The following DSCAML1 variants were observed in gnomAD, a reference collection of about 807,000 sequenced individuals.
DSCAML1 encodes the protein cell adhesion molecule DSCAML1.
Under a neutral mutation model 200.5 loss-of-function variants are expected in DSCAML1, and 38 were observed. The ratio of observed to expected loss-of-function variants is 0.19; its 90% CI spans 0.15 to 0.25. The LOEUF is 0.25. Among genes scored for constraint, DSCAML1 ranks in the 10% least tolerant of loss-of-function variants. The pLI is 1.00. For missense variants in DSCAML1, 2,223 were observed against 2,858.8 expected (o/e 0.78, Z 5.07); for synonymous variants, 1,215 against 1,165.0 (o/e 1.04, Z -0.87).
intron 3 of DSCAML1, among the ~76,000 whole-genome samples, chr11:117,741,226 G>T (rs1055490684): frequency 6.6e-6 from 1 of 152,202 alleles, no homozygotes; most frequent in Non-Finnish European, 1.5e-5. Context: ...TCTAGGTGGG[G>T]CACCTACTGA....
intron 14 of DSCAML1, among the ~76,000 whole-genome samples, chr11:117,474,159 A>C (rs1470963906): frequency 1.3e-5 from 2 of 152,148 alleles, no homozygotes; most frequent in Non-Finnish European, 2.9e-5. Flanking sequence ...TACTCCTCAC[A>C]TCCTCCTGCG....
chr11:117,740,313 C>G (rs2054398536), intron 3 of DSCAML1, among the ~76,000 whole-genome samples: 1 of 152,150 alleles, frequency 6.6e-6, no homozygotes, highest in African/African-American at 2.4e-5. Flanking sequence ...TAATTTGGAC[C>G]TTGGTCTGAC....
chr11:117,737,917 C>T (rs1004049073), intron 3 of DSCAML1, among the ~76,000 whole-genome samples: 2 of 152,052 alleles, frequency 1.3e-5, no homozygotes, highest in Admixed American at 6.5e-5. Flanking sequence ...ATACTTATTA[C>T]ACACACAGTG....
chr11:117,709,726 G>T (rs755937673), intron 3 of DSCAML1: 2 of 455,012 alleles, frequency 4.4e-6, no homozygotes, highest in Non-Finnish European at 8.8e-6. Context: ...ATCAGGGGAA[G>T]CCAATAAGGC....
chr11:117,783,356 G>A (rs561402751), intron 1 of DSCAML1, among the ~76,000 whole-genome samples: 75 of 152,188 alleles, frequency 4.9e-4, no homozygotes, highest in African/African-American at 1.7e-3. Flanking sequence ...GAGAATCCCC[G>A]ACAAGGAGGA....
At chr11:117,811,272 C>A (rs983416635) in intron 1 of DSCAML1, among the ~76,000 whole-genome samples, 3 of 147,978 alleles carry the variant, frequency 2.0e-5, no homozygotes, top group Admixed American at 2.0e-4. Context: ...CAGCCCTAGA[C>A]CCTAAAAGGT....
At chr11:117,435,949 G>T (rs1241681315) in intron 26 of DSCAML1, 150 bp from the exon 27 acceptor site, 25 of 785,338 alleles carry the variant, frequency 3.2e-5, no homozygotes, top group Non-Finnish European at 4.7e-5. Context: ...CTTCCCCTCT[G>T]CTCCCCAAAT....
chr11:117,505,373 G>A lies in DSCAML1; in HGVS notation c.2062+81C>T. The A allele has an allele frequency of 6.5e-7, 1 of 1,540,672 alleles. No individual in the cohort carries two copies. Among genetic ancestry groups the A allele is most frequent in the Non-Finnish European group, 8.7e-7 (1 of 1,143,246 alleles). ...GCCCACCTTCCATGAGCCCGTGATT[G>A]GAACTGGAAATCTAGAGACTGCAGT... On this transcript the variant is annotated intron_variant, in intron 9 of 32. Coordinates refer to ENST00000651296, the MANE Select transcript of DSCAML1 (RefSeq NM_020693.4). The surrounding 1 kb of genome is among the most constrained non-coding windows in gnomAD (Gnocchi z 6.7).
At chr11:117,766,176 C>T (rs573498853) in intron 3 of DSCAML1, among the ~76,000 whole-genome samples, 46 of 152,308 alleles carry the variant, frequency 3.0e-4, no homozygotes, top group African/African-American at 9.6e-4. Context: ...CGCACAGAAC[C>T]GCAGCACCGT....
chr11:117,654,376 G>C (rs2137627938), intron 3 of DSCAML1, among the ~76,000 whole-genome samples: 1 of 152,310 alleles, frequency 6.6e-6, no homozygotes, highest in East Asian at 1.9e-4. Flanking sequence ...TAAACTGTCG[G>C]AAAAAGTGAA....
chr11:117,736,693 G>GAC (rs1242904999), intron 3 of DSCAML1, among the ~76,000 whole-genome samples: 1 of 152,098 alleles, frequency 6.6e-6, no homozygotes, highest in African/African-American at 2.4e-5. Context: ...CCCTTTCCCT[G>GAC]ACACACACAC....
At chr11:117,477,503 T>C (rs1389239851) in intron 14 of DSCAML1, among the ~76,000 whole-genome samples, 1 of 151,522 alleles carries the variant, frequency 6.6e-6, no homozygotes, top group Admixed American at 6.6e-5. Context: ...TGCATGATTC[T>C]GCAAAAAAAA....
intron 27 of DSCAML1, among the ~76,000 whole-genome samples, chr11:117,434,608 T>C (rs1449226900): frequency 6.6e-6 from 1 of 152,164 alleles, no homozygotes; most frequent in African/African-American, 2.4e-5. Context: ...AATTTATCCA[T>C]CCATCCACCC....
chr11:117,751,940 C>T (rs538830657), intron 3 of DSCAML1, among the ~76,000 whole-genome samples: 3 of 152,264 alleles, frequency 2.0e-5, no homozygotes, highest in African/African-American at 4.8e-5. Flanking sequence ...TTCTCATAGG[C>T]GCTAATTACC....
chr11:117,595,654 C>A (rs2051350892), intron 3 of DSCAML1, among the ~76,000 whole-genome samples: 1 of 152,062 alleles, frequency 6.6e-6, no homozygotes. Context: ...GAGCGCCTCT[C>A]CCTGGTGATG....
chr11:117,486,689 G>T (rs1271860348), intron 11 of DSCAML1, among the ~76,000 whole-genome samples: 1 of 152,030 alleles, frequency 6.6e-6, no homozygotes, highest in Non-Finnish European at 1.5e-5. Flanking sequence ...ACAAGTTACT[G>T]GCTTCAGGTG....
chr11:117,637,620 C>T (rs967714930), intron 3 of DSCAML1, among the ~76,000 whole-genome samples: 1 of 152,242 alleles, frequency 6.6e-6, no homozygotes, highest in Admixed American at 6.5e-5. Flanking sequence ...GGTGGGATTA[C>T]AGGCATGAGC....
intron 3 of DSCAML1, among the ~76,000 whole-genome samples, chr11:117,714,925 T>C (rs4359246): frequency 0.98 from 148,345 of 151,366 alleles, 72,770 homozygotes; most frequent in Middle Eastern, 1. Flanking sequence ...GCCGTCCAAG[T>C]GTCCTTCTAT....
At chr11:117,779,608 A>C (rs1459207605) in intron 2 of DSCAML1, among the ~76,000 whole-genome samples, 1 of 151,918 alleles carries the variant, frequency 6.6e-6, no homozygotes, top group East Asian at 1.9e-4. Context: ...AGAACAACCA[A>C]CCTCCCACCA....
Sources: gnomAD v4.1 joint callset for allele counts (sites outside exome capture counted in the v4.1 genomes callset) on GRCh38, gnomAD v4.1.1 for gene constraint, Gnocchi (gnomAD v3.1) non-coding constraint, MANE v1.5 for transcripts, NCBI Gene and HGNC (gene_info 2026-07-23, HGNC 2026-07-21) for gene names.